The following TMPRSS15 variants were observed in gnomAD, a reference collection of about 807,000 sequenced individuals.
The protein encoded by TMPRSS15 is transmembrane serine protease 15, also known as enteropeptidase.
Under a neutral mutation model 125.3 loss-of-function variants are expected in TMPRSS15, and 128 were observed. The ratio of observed to expected loss-of-function variants is 1.02; its 90% CI spans 0.89 to 1.18. The LOEUF (loss-of-function observed/expected upper bound fraction) is 1.18, where lower values mean the gene tolerates loss of function less well. Ranked by LOEUF, TMPRSS15 falls within the 50% of genes most tolerant of loss-of-function variation. The pLI is 0.00. For missense variants in TMPRSS15, 1,283 were observed against 1,212.7 expected (o/e 1.06, Z -0.86); for synonymous variants, 446 against 423.2 (o/e 1.05, Z -0.66).
chr21:18,317,745 G>A (rs976196440), intron 16 of TMPRSS15, among the ~76,000 whole-genome samples: 2 of 150,588 alleles, frequency 1.3e-5, no homozygotes, highest in East Asian at 2.0e-4. Context: ...CTTTTACTCT[G>A]TTCTATTATT....
At chr21:18,312,762 G>C (rs112982004) in intron 18 of TMPRSS15, among the ~76,000 whole-genome samples, 183 bp downstream of exon 18, 2,958 of 151,810 alleles carry the variant, frequency 0.019, 94 homozygotes, top group African/African-American at 0.067. Flanking sequence ...TTCATACAAA[G>C]GTTATTAACA....
At chr21:18,472,905 C>T (rs558691551) in intron 1 of TMPRSS15, among the ~76,000 whole-genome samples, 6 of 151,910 alleles carry the variant, frequency 3.9e-5, no homozygotes, top group East Asian at 1.9e-4. Flanking sequence ...AATAATAGCA[C>T]GTAAGATTGA....
intron 7 of TMPRSS15, among the ~76,000 whole-genome samples, chr21:18,361,181 A>G (rs2075676772): frequency 1.3e-5 from 2 of 152,120 alleles, no homozygotes; most frequent in Non-Finnish European, 1.5e-5. Context: ...TTTTCAGATA[A>G]TAGTTTCAGA....
chr21:18,442,063 C>T (rs2076243439), intron 1 of TMPRSS15, among the ~76,000 whole-genome samples: 1 of 152,072 alleles, frequency 6.6e-6, no homozygotes, highest in Admixed American at 6.6e-5. Context: ...CCTACTCATT[C>T]CTCCTCTTCT....
intron 1 of TMPRSS15, among the ~76,000 whole-genome samples, chr21:18,429,872 A>T (rs61242901): frequency 0.021 from 3,139 of 152,310 alleles, 137 homozygotes; most frequent in African/African-American, 0.071. Flanking sequence ...TGTTACTCTC[A>T]TTGAGTACCT....
At chr21:18,370,765 T>C (rs2075784496) in intron 6 of TMPRSS15, among the ~76,000 whole-genome samples, 1 of 152,106 alleles carries the variant, frequency 6.6e-6, no homozygotes, top group Non-Finnish European at 1.5e-5. Flanking sequence ...TTGCCTTTCA[T>C]TGAGTTGGTA....
chr21:18,275,006 T>A (rs1289757756), intron 24 of TMPRSS15, among the ~76,000 whole-genome samples, 191 bp downstream of exon 24: 1 of 152,226 alleles, frequency 6.6e-6, no homozygotes, highest in Non-Finnish European at 1.5e-5. Flanking sequence ...CCTATTTTCT[T>A]AAAAAATAAT....
intron 1 of TMPRSS15, among the ~76,000 whole-genome samples, chr21:18,453,443 T>G (rs922041603): frequency 6.6e-6 from 1 of 152,194 alleles, no homozygotes; most frequent in African/African-American, 2.4e-5. Context: ...TACAGAAACA[T>G]ATTTATTTTA....
intron 4 of TMPRSS15, 52 bp from the exon 5 acceptor site, chr21:18,379,370 C>T: frequency 1.2e-6 from 1 of 859,690 alleles, no homozygotes. Context: ...AACTAATTAC[C>T]AGGAATTTAT....
intron 5 of TMPRSS15, among the ~76,000 whole-genome samples, chr21:18,374,830 T>G (rs1019085921): frequency 6.6e-6 from 1 of 152,176 alleles, no homozygotes; most frequent in Non-Finnish European, 1.5e-5. Flanking sequence ...GGACATGGAC[T>G]CAATTACTAC....
At chr21:18,326,778 T>C (rs566077479) in intron 15 of TMPRSS15, among the ~76,000 whole-genome samples, 2 of 152,330 alleles carry the variant, frequency 1.3e-5, no homozygotes, top group African/African-American at 4.8e-5. Flanking sequence ...AATTTTGATA[T>C]TTCTTGAGGT....
intron 1 of TMPRSS15, among the ~76,000 whole-genome samples, chr21:18,413,337 TTCCTTC>T (rs2076171945): frequency 7.0e-6 from 1 of 142,002 alleles, no homozygotes; most frequent in African/African-American, 2.6e-5. Flanking sequence ...CCTTCCTTCC[TTCCTTC>T]CTTCCTTCCT....
intron 1 of TMPRSS15, among the ~76,000 whole-genome samples, chr21:18,453,274 T>G (rs974003578): frequency 2.0e-5 from 3 of 152,194 alleles, no homozygotes; most frequent in African/African-American, 7.2e-5. Flanking sequence ...CTGATTATAT[T>G]TCCATGAAGG....
At chr21:18,283,676 C>T (rs2074729302) in intron 21 of TMPRSS15, among the ~76,000 whole-genome samples, 2 of 151,864 alleles carry the variant, frequency 1.3e-5, no homozygotes, top group Non-Finnish European at 2.9e-5. Flanking sequence ...AGGATTGTCT[C>T]CTCAGGTGTT....
chr21:18,335,119 T>G (rs2146974179), intron 13 of TMPRSS15, among the ~76,000 whole-genome samples: 1 of 152,322 alleles, frequency 6.6e-6, no homozygotes, highest in South Asian at 2.1e-4. Flanking sequence ...TTAATTTCAA[T>G]AATTCTACAT....
At chr21:18,478,484 A>T (rs945525860) in intron 1 of TMPRSS15, among the ~76,000 whole-genome samples, 41 of 152,160 alleles carry the variant, frequency 2.7e-4, no homozygotes, top group African/African-American at 9.4e-4. Flanking sequence ...ACCACCTCAC[A>T]GTACCCTGGT....
At chr21:18,412,848 A>G (rs2076169479) in intron 1 of TMPRSS15, among the ~76,000 whole-genome samples, 1 of 152,234 alleles carries the variant, frequency 6.6e-6, no homozygotes, top group Non-Finnish European at 1.5e-5. Context: ...TGACAGAAGC[A>G]TGACCCTGGT....
At chr21:18,469,963 T>C (rs1275406028) in intron 1 of TMPRSS15, among the ~76,000 whole-genome samples, 1 of 152,110 alleles carries the variant, frequency 6.6e-6, no homozygotes, top group Non-Finnish European at 1.5e-5. Flanking sequence ...AATAGAATCA[T>C]TGTTAACCTT....
chr21:18,470,079 A>T (rs1440439835), intron 1 of TMPRSS15, among the ~76,000 whole-genome samples: 2 of 152,064 alleles, frequency 1.3e-5, no homozygotes, highest in Non-Finnish European at 2.9e-5. Context: ...TCTGGTGAAC[A>T]AATCTACTAG....
Sources: allele counts gnomAD v4.1 joint callset (sites outside exome capture counted in the v4.1 genomes callset), GRCh38; gene constraint gnomAD v4.1.1; transcripts MANE v1.5; gene names NCBI Gene and HGNC (gene_info 2026-07-23, HGNC 2026-07-21).